ORC5: variants seen among roughly 807,000 people sequenced by gnomAD.
The protein encoded by ORC5 is origin recognition complex subunit 5.
A neutral mutation model predicts 58.8 loss-of-function variants in ORC5; 39 were observed. The ratio of observed to expected loss-of-function variants is 0.66; its 90% CI spans 0.51 to 0.87. The LOEUF (loss-of-function observed/expected upper bound fraction) is 0.87. Among genes scored for constraint, ORC5 ranks in the 40% least tolerant of loss-of-function variants. The pLI is 0.00. For missense variants in ORC5, 493 were observed against 506.3 expected (o/e 0.97, Z 0.25); for synonymous variants, 218 against 177.6 (o/e 1.23, Z -1.81).
Position 104,136,746 on chromosome 7 carries a change from T to C in ORC5, c.1262+35A>G. 7.6e-7 allele frequency: 1 copy of C among 1,314,390 alleles called. No homozygotes were observed. The allele number at this position is 1,314,390 out of a possible 1,614,324, so 81.4% of individuals were successfully genotyped here. On this transcript the variant is annotated intron_variant, in intron 13 of 13. Transcript: ENST00000297431. The surrounding 1 kb of genome is among the most constrained non-coding windows in gnomAD (Gnocchi z 4.2). ...CATTTGGAAAACACTAATTTTTATA[T>C]TTAGTATATCATTACATAATTCAAG...
chr7:104,200,318 T>C (rs1409566499), intron 3 of ORC5, among the ~76,000 whole-genome samples: 1 of 152,202 alleles, frequency 6.6e-6, no homozygotes, highest in Non-Finnish European at 1.5e-5. Context: ...GTCTTCTTTT[T>C]CTCCCGTCAT....
intron 8 of ORC5, among the ~76,000 whole-genome samples, chr7:104,181,783 C>CG (rs1799437756): frequency 7.4e-6 from 1 of 135,914 alleles, no homozygotes; most frequent in South Asian, 2.5e-4. Flanking sequence ...CAGAGCGAGA[C>CG]TCCGTCTCAA....
chr7:104,152,126 A>T (rs890847354), intron 12 of ORC5, among the ~76,000 whole-genome samples: 68 of 152,184 alleles, frequency 4.5e-4, no homozygotes, highest in African/African-American at 1.6e-3. Flanking sequence ...TTAAGCACCA[A>T]CATGTCTTTT....
intron 8 of ORC5, among the ~76,000 whole-genome samples, chr7:104,177,299 A>G (rs146012767): frequency 1.2e-4 from 18 of 152,348 alleles, no homozygotes; most frequent in Non-Finnish European, 2.2e-4. Flanking sequence ...ATTACTAAAC[A>G]TAAGTTTGTT....
chr7:104,186,775 A>T (rs1277292592), intron 6 of ORC5, among the ~76,000 whole-genome samples: 1 of 152,170 alleles, frequency 6.6e-6, no homozygotes, highest in African/African-American at 2.4e-5. Context: ...GAGAAAACTA[A>T]GAACATTGTG....
At chr7:104,156,589 A>G (rs1318353461) in intron 12 of ORC5, among the ~76,000 whole-genome samples, 1 of 151,818 alleles carries the variant, frequency 6.6e-6, no homozygotes, top group East Asian at 1.9e-4. Context: ...TATATCATAC[A>G]TGATCAATTT....
chr7:104,153,225 G>A (rs1171218512), intron 12 of ORC5, among the ~76,000 whole-genome samples: 1 of 152,128 alleles, frequency 6.6e-6, no homozygotes, highest in Non-Finnish European at 1.5e-5. Flanking sequence ...TCCCAAAGCA[G>A]TTTTTTAAAA....
chr7:104,173,207 G>A (rs1346699636), intron 8 of ORC5, among the ~76,000 whole-genome samples: 4 of 152,198 alleles, frequency 2.6e-5, no homozygotes, highest in Non-Finnish European at 5.9e-5. Context: ...GCAACTGCCT[G>A]TCAAACTCCG....
chr7:104,191,810 T>C (rs1799683269), intron 5 of ORC5, among the ~76,000 whole-genome samples: 1 of 152,050 alleles, frequency 6.6e-6, no homozygotes, highest in South Asian at 2.1e-4. Flanking sequence ...GTTGTCTCCT[T>C]GGGTCTTAAA....
chr7:104,146,071 AGAAC>A (rs1798748594), intron 12 of ORC5, among the ~76,000 whole-genome samples: 1 of 152,212 alleles, frequency 6.6e-6, no homozygotes, highest in African/African-American at 2.4e-5. Flanking sequence ...TAAAAGTGAA[AGAAC>A]GAACAGTGGA....
At chr7:104,147,353 T>C (rs1165501528) in intron 12 of ORC5, among the ~76,000 whole-genome samples, 1 of 152,204 alleles carries the variant, frequency 6.6e-6, no homozygotes, top group Non-Finnish European at 1.5e-5. Context: ...TATTGCTATA[T>C]AAATCCCAAC....
intron 10 of ORC5, among the ~76,000 whole-genome samples, chr7:104,165,967 G>C (rs1391635679): frequency 1.3e-5 from 2 of 152,124 alleles, no homozygotes; most frequent in Admixed American, 1.3e-4. Flanking sequence ...TTGGGAGGCC[G>C]AGGCTGTAGT....
intron 8 of ORC5, among the ~76,000 whole-genome samples, chr7:104,182,433 G>GT (rs1799453685): frequency 6.6e-6 from 1 of 151,924 alleles, no homozygotes; most frequent in Non-Finnish European, 1.5e-5. Context: ...GCTTCTGCTG[G>GT]TAAGTTGACA....
rs1240813726 is a variant in ORC5 at position 104,129,392 on chromosome 7, TA to T, written c.1263-2500del. Among the ~76,000 whole-genome samples the T allele has an allele frequency of 1.3e-5, 2 of 151,974 alleles. No homozygotes were observed. The highest frequency in any genetic ancestry group is 2.9e-5 in the Non-Finnish European group (2 of 67,960). ...CTGAATCATAGTAAGAGTTTTAGAT[TA>T]AAAAAAATCGATCAGGAATTGAATA... On this transcript the variant is annotated intron_variant, in intron 13 of 13. Transcript: ENST00000297431. The surrounding 1 kb of genome is among the most constrained non-coding windows in gnomAD (Gnocchi z 4.9).
rs910444432 is a variant in ORC5, at chr7:104,200,666, A to G, written c.366+92T>C. On this transcript the variant is annotated intron_variant, in intron 3 of 13. Coordinates refer to ENST00000297431, the MANE Select transcript of ORC5 (RefSeq NM_002553.4). ...AAGCACCTGGCACAGAGCACTGTAC[A>G]TAATGAGACTCAAAACAAATATATG... The G allele has an allele frequency of 1.1e-5, 9 of 790,252 alleles. No individual in the cohort carries two copies. The Admixed American group carries it at 1.2e-4, about 10-fold the overall frequency. The allele number at this position is 790,252 out of a possible 1,614,324, so 49.0% of individuals were successfully genotyped here.
intron 12 of ORC5, among the ~76,000 whole-genome samples, chr7:104,155,251 T>TATATAAAAGGTATATA: frequency 6.6e-6 from 1 of 151,770 alleles, no homozygotes; most frequent in South Asian, 2.1e-4. Context: ...ACAGAAAAGG[T>TATATAAAAGGTATATA]ATATATTTGT....
At chr7:104,166,660 T>A in intron 10 of ORC5, 112 bp downstream of exon 10, 1 of 629,728 alleles carries the variant, frequency 1.6e-6, no homozygotes, top group Non-Finnish European at 2.8e-6. Flanking sequence ...TAAATACATA[T>A]TTGGCAATCT....
At chr7:104,160,672 G>A (rs1191007985) in intron 12 of ORC5, among the ~76,000 whole-genome samples, 1 of 151,750 alleles carries the variant, frequency 6.6e-6, no homozygotes, top group Non-Finnish European at 1.5e-5. Flanking sequence ...TATCTGCAAA[G>A]TACATAGATG....
At chr7:104,184,414 C>T (rs1372800900) in intron 6 of ORC5, 2 of 433,588 alleles carry the variant, frequency 4.6e-6, no homozygotes, top group Non-Finnish European at 8.1e-6. Flanking sequence ...CACCTGTGAA[C>T]AGCCACTGCA....
Sources: gnomAD v4.1 joint callset for allele counts (sites outside exome capture counted in the v4.1 genomes callset) on GRCh38, gnomAD v4.1.1 for gene constraint, Gnocchi (gnomAD v3.1) non-coding constraint, MANE v1.5 for transcripts, NCBI Gene and HGNC (gene_info 2026-07-23, HGNC 2026-07-21) for gene names.